The following EFCAB11 variants were observed in gnomAD, a reference collection of about 807,000 sequenced individuals.
EFCAB11 encodes EF-hand calcium binding domain 11, also known as EF-hand calcium-binding domain-containing protein 11.
EFCAB11 carries 14 observed loss-of-function variants against 23.0 expected under a neutral mutation model. The observed-to-expected ratio is 0.61, with a 90% CI of 0.40 to 0.95. The LOEUF is 0.95. EFCAB11 is among the 40% of genes least tolerant of loss of function. EFCAB11 has a pLI of 0.00. For synonymous variants in EFCAB11, 65 were observed against 66.6 expected, an observed-to-expected ratio of 0.98 and a Z score of 0.11; for missense variants, 198 against 195.8, an observed-to-expected ratio of 1.01 and a Z score of -0.07.
At chr14:89,932,663 A>G in intron 3 of EFCAB11, 36 bp from the exon 4 acceptor site, 1 of 1,499,252 alleles carries the variant, frequency 6.7e-7, no homozygotes, top group Non-Finnish European at 9.3e-7. Context: ...GTCAAAGATT[A>G]TTGTCTTCCT....
At chr14:89,816,620 C>G (rs534550164) in intron 5 of EFCAB11, among the ~76,000 whole-genome samples, 2 of 152,056 alleles carry the variant, frequency 1.3e-5, no homozygotes, top group South Asian at 4.1e-4. Flanking sequence ...AGTGGAGATA[C>G]AGATATTAGT....
intron 5 of EFCAB11, among the ~76,000 whole-genome samples, chr14:89,867,309 A>C (rs935215041): frequency 1.3e-5 from 2 of 152,186 alleles, no homozygotes; most frequent in Non-Finnish European, 2.9e-5. Context: ...TTGGCAACTC[A>C]AACCTAAAAA....
rs1566828069 is a variant in EFCAB11 at position 89,953,915 on chromosome 14, C to A, written c.162G>T (p.Lys54Asn). Reference sequence around the variant, plus strand: ...TATAAGAAAGCTCTACCTTGGAGGGCTTGTACCCAAACAGCATTACAACAG... The same window carrying A: ...TATAAGAAAGCTCTACCTTGGAGGGATTGTACCCAAACAGCATTACAACAG... ...KTAVVMLFGYKPSKIEVDSVM... is the reference protein window; with the variant it reads ...KTAVVMLFGYNPSKIEVDSVM... The change falls in exon 2 of 6, where the codon AAG (lysine) becomes AAT (asparagine). Residue 54 changes from lysine (K) to asparagine (N), a missense_variant. Physicochemically the swap from Lys to Asn is moderately conservative, Grantham distance 94. Coordinates refer to ENST00000316738, the MANE Select transcript of EFCAB11 (RefSeq NM_145231.4). 6.2e-7 allele frequency: 1 copy of A among 1,613,446 alleles called. No homozygotes were observed. Among genetic ancestry groups the A allele is most frequent in the Admixed American group, 1.7e-5 (1 of 59,998 alleles).
At chr14:89,831,289 T>G (rs907423494) in intron 5 of EFCAB11, 1 of 152,214 alleles carries the variant, frequency 6.6e-6, no homozygotes, top group African/African-American at 2.4e-5. Context: ...AAGCAGGTTT[T>G]GGGGAGAAGA....
At chr14:89,859,807 G>T (rs965959402) in intron 5 of EFCAB11, among the ~76,000 whole-genome samples, 7 of 152,184 alleles carry the variant, frequency 4.6e-5, no homozygotes, top group African/African-American at 1.7e-4. Flanking sequence ...GGAACACTCT[G>T]ATCACGTCTG....
At chr14:89,947,599 G>C (rs1891026187) in intron 3 of EFCAB11, among the ~76,000 whole-genome samples, 1 of 152,138 alleles carries the variant, frequency 6.6e-6, no homozygotes, top group African/African-American at 2.4e-5. Context: ...CATCAGTTAT[G>C]CCACCTCACC....
chr14:89,947,301 A>G (rs1233553801), intron 3 of EFCAB11, among the ~76,000 whole-genome samples: 1 of 152,154 alleles, frequency 6.6e-6, no homozygotes, highest in African/African-American at 2.4e-5. Context: ...CCCTTACACA[A>G]TAGGTCTCCT....
intron 5 of EFCAB11, among the ~76,000 whole-genome samples, chr14:89,908,715 A>G (rs1207378310): frequency 6.6e-6 from 1 of 152,212 alleles, no homozygotes; most frequent in Non-Finnish European, 1.5e-5. Context: ...ACCTTACCTC[A>G]ATCCATCTTA....
intron 5 of EFCAB11, among the ~76,000 whole-genome samples, chr14:89,852,163 T>C (rs145061149): frequency 6.6e-5 from 10 of 152,356 alleles, no homozygotes; most frequent in Admixed American, 6.5e-4. Flanking sequence ...ATGGGACAAC[T>C]GTCATATGCA....
rs980065202 is a variant in EFCAB11 at position 89,931,272 on chromosome 14, C to T, written c.410+269G>A. ...TAAGTATCTGAAGAAGTTCTTTCTT[C>T]CTGTTCCTCTCCTGCCCCTACTCAT... On this transcript the variant is annotated intron_variant, in intron 5 of 5. Coordinates refer to ENST00000316738, the MANE Select transcript of EFCAB11 (RefSeq NM_145231.4). 16 of 384,726 alleles carry T rather than the reference C, an allele frequency of 4.2e-5. No homozygotes were observed. The East Asian group carries it at 5.1e-4, about 12-fold the overall frequency. 23.8% of individuals were successfully genotyped at this position (384,726 alleles called of 1,614,324 possible).
intron 5 of EFCAB11, among the ~76,000 whole-genome samples, chr14:89,912,845 A>G (rs1407902452): frequency 6.6e-6 from 1 of 152,226 alleles, no homozygotes; most frequent in Admixed American, 6.5e-5. Flanking sequence ...GCAACTAGCA[A>G]TGGGAAGATG....
At chr14:89,892,906 A>AAAAAG (rs983788195) in intron 5 of EFCAB11, among the ~76,000 whole-genome samples, 8 of 152,196 alleles carry the variant, frequency 5.3e-5, no homozygotes, top group Middle Eastern at 3.4e-3. Flanking sequence ...TGTTTCAAAA[A>AAAAAG]AAAAGAAAAG....
chr14:89,920,823 G>A (rs982424591), intron 5 of EFCAB11, among the ~76,000 whole-genome samples: 5 of 152,298 alleles, frequency 3.3e-5, no homozygotes, highest in East Asian at 3.9e-4. Context: ...CCAGCACTCC[G>A]GGAGTCCGAG....
intron 5 of EFCAB11, among the ~76,000 whole-genome samples, chr14:89,842,478 G>A (rs1371472891): frequency 6.6e-6 from 1 of 152,180 alleles, no homozygotes; most frequent in Admixed American, 6.5e-5. Flanking sequence ...AGGAGGCTGA[G>A]GTGGAAGAAT....
At chr14:89,841,974 TC>T (rs1306264479) in intron 5 of EFCAB11, among the ~76,000 whole-genome samples, 1 of 152,056 alleles carries the variant, frequency 6.6e-6, no homozygotes, top group African/African-American at 2.4e-5. Flanking sequence ...GGAACTCAAG[TC>T]AGATTCCTCC....
chr14:89,802,377 AT>A (rs1440932978), intron 5 of EFCAB11, among the ~76,000 whole-genome samples: 1 of 151,908 alleles, frequency 6.6e-6, no homozygotes, highest in Admixed American at 6.6e-5. Flanking sequence ...TCGTTTTTTA[AT>A]TTTAATTTTA....
intron 5 of EFCAB11, among the ~76,000 whole-genome samples, chr14:89,861,872 T>G (rs952834426): frequency 6.6e-6 from 1 of 152,200 alleles, no homozygotes; most frequent in Non-Finnish European, 1.5e-5. Flanking sequence ...CCTCTAGAAC[T>G]GTGAGAAATA....
At chr14:89,876,792 T>C (rs1888453342) in intron 5 of EFCAB11, among the ~76,000 whole-genome samples, 2 of 152,228 alleles carry the variant, frequency 1.3e-5, no homozygotes, top group South Asian at 4.1e-4. Flanking sequence ...TTCAGTGTTG[T>C]AACTTGGAGC....
intron 5 of EFCAB11, among the ~76,000 whole-genome samples, chr14:89,809,624 T>C (rs1886085039): frequency 6.6e-6 from 1 of 152,214 alleles, no homozygotes. Context: ...ATTTACATTA[T>C]GCTCAAGCAC....
Sources: gnomAD v4.1 joint callset for allele counts (sites outside exome capture counted in the v4.1 genomes callset) on GRCh38, gnomAD v4.1.1 for gene constraint, MANE v1.5 for transcripts, NCBI Gene and HGNC (gene_info 2026-07-23, HGNC 2026-07-21) for gene names.